Variants in NRP1 observed in about 807,000 individuals in gnomAD.
The protein encoded by NRP1 is neuropilin-1.
Under a neutral mutation model 106.7 loss-of-function variants are expected in NRP1, and 35 were observed. That is an observed-to-expected ratio of 0.33 (90% confidence interval 0.25 to 0.43). The LOEUF is 0.43. Among genes scored for constraint, NRP1 ranks in the 20% least tolerant of loss-of-function variants. The pLI, the probability that NRP1 is intolerant of heterozygous loss-of-function variation, is 1.00. For missense variants in NRP1, 1,024 were observed against 1,170.4 expected, an observed-to-expected ratio of 0.87 and a Z score of 1.83; for synonymous variants, 437 against 417.9, an observed-to-expected ratio of 1.05 and a Z score of -0.56.
At chr10:33,318,884 C>T (rs1847232083) in intron 2 of NRP1, among the ~76,000 whole-genome samples, 1 of 151,524 alleles carries the variant, frequency 6.6e-6, no homozygotes, top group African/African-American at 2.4e-5. Flanking sequence ...ATGTTCCAAA[C>T]ATCTGCGTCA....
intron 11 of NRP1, among the ~76,000 whole-genome samples, chr10:33,198,295 C>T (rs1169978089): frequency 6.6e-6 from 1 of 151,848 alleles, no homozygotes; most frequent in Non-Finnish European, 1.5e-5. Flanking sequence ...GCGTGCACTA[C>T]CATGCCCAGG....
At chr10:33,237,517 A>AC (rs1554788778) in intron 6 of NRP1, among the ~76,000 whole-genome samples, 2 of 150,228 alleles carry the variant, frequency 1.3e-5, no homozygotes, top group South Asian at 2.1e-4. Context: ...ACACACACAC[A>AC]AATCCCACCC....
chr10:33,181,172 C>T (rs16915674), intron 16 of NRP1, among the ~76,000 whole-genome samples: 4,059 of 152,160 alleles, frequency 0.027, 158 homozygotes, highest in African/African-American at 0.09. Context: ...GTACTAGAAA[C>T]GGGATGAAAA....
intron 2 of NRP1, among the ~76,000 whole-genome samples, chr10:33,272,568 T>C (rs989093161): frequency 6.6e-6 from 1 of 152,144 alleles, no homozygotes; most frequent in African/African-American, 2.4e-5. Flanking sequence ...GAAAGCATTA[T>C]GTTTAAAATC....
rs537644227 is a variant in NRP1, at chr10:33,282,140, T to A, written c.249-11284A>T. On this transcript the variant is annotated intron_variant, in intron 2 of 16. Coordinates refer to ENST00000374867, the MANE Select transcript of NRP1 (RefSeq NM_003873.7). ...TATACCATAGTATGTTTTTTTTTTT[T>A]AAATCATGAAATCCGTTAAGTGTTT... Among the ~76,000 whole-genome samples the A allele has an allele frequency of 5.7e-4, 86 of 151,936 alleles. 1 individual carries two copies. Among genetic ancestry groups the A allele is most frequent in the African/African-American group, 1.9e-3 (78 of 41,436 alleles).
rs71521487 is a variant in NRP1 at position 33,198,144 on chromosome 10, A to ATTT, written c.1865-438_1865-436dup. Among the ~76,000 whole-genome samples the ATTT allele has an allele frequency of 1.3e-4, 12 of 94,060 alleles. No individual in the cohort carries two copies. The East Asian group carries it at 2.5e-3, about 20-fold the overall frequency. The allele number at this position is 94,060 out of a possible 152,430, so 61.7% of individuals were successfully genotyped here. A position where few individuals can be genotyped will look rare whatever the true frequency, so the allele number is the denominator to read the frequency against. On this transcript the variant is annotated intron_variant, in intron 11 of 16. Transcript: ENST00000374867. The stretch of plus-strand genomic sequence containing the variant: ...AATTTTCTTTTTTTTAAATTTTTAA[A>ATTT]TTTTTTTTTTTTTTTGAGATGGAGT...
chr10:33,186,644 C>T (rs1282287252), intron 13 of NRP1, among the ~76,000 whole-genome samples, 156 bp from the exon 14 acceptor site: 1 of 152,134 alleles, frequency 6.6e-6, no homozygotes, highest in East Asian at 1.9e-4. Flanking sequence ...TTGGGGACCT[C>T]ATGGGCACCT....
chr10:33,213,192 T>C (rs1201829225), intron 9 of NRP1, 194 bp downstream of exon 9: 2 of 1,446,006 alleles, frequency 1.4e-6, no homozygotes, highest in East Asian at 2.5e-5. Flanking sequence ...TTCTTTTGCA[T>C]GTTATCTCAG....
intron 6 of NRP1, among the ~76,000 whole-genome samples, chr10:33,253,245 T>A (rs1345545451): frequency 6.6e-6 from 1 of 152,042 alleles, no homozygotes; most frequent in South Asian, 2.1e-4. Flanking sequence ...GATATCAAGG[T>A]TGGGCAAGTG....
At chr10:33,208,222 A>C (rs2474713) in intron 9 of NRP1, among the ~76,000 whole-genome samples, 26,685 of 151,872 alleles carry the variant, frequency 0.18, 2,389 homozygotes, top group Middle Eastern at 0.3. Context: ...CACCACGCCG[A>C]GCTAATTTTT....
chr10:33,308,799 TA>T (rs944732279), intron 2 of NRP1, among the ~76,000 whole-genome samples: 1 of 152,064 alleles, frequency 6.6e-6, no homozygotes, highest in Admixed American at 6.6e-5. Flanking sequence ...TCAATTTTTT[TA>T]AAAAATGCAT....
In NRP1 at chr10:33,182,689, C is replaced by T. The variant is rs1226075084; in HGVS notation, c.2482+9G>A. 6.2e-7 allele frequency: 1 copy of T among 1,608,986 alleles called. No individual in the cohort carries two copies. On this transcript the variant is annotated intron_variant, in intron 16 of 16. Coordinates refer to ENST00000374867, the MANE Select transcript of NRP1 (RefSeq NM_003873.7). ...ATTTTTTAAAAATTGGTCAGCAAGA[C>T]AAATTTACCTGTTTCATCAATTTTA...
intron 2 of NRP1, among the ~76,000 whole-genome samples, chr10:33,316,704 GAGA>G (rs1564483182): frequency 6.6e-6 from 1 of 152,084 alleles, no homozygotes; most frequent in East Asian, 1.9e-4. Flanking sequence ...AGATGCAGGA[GAGA>G]AGAAGGCCCC....
At chr10:33,189,804 A>G (rs188219049) in intron 13 of NRP1, among the ~76,000 whole-genome samples, 12 of 152,362 alleles carry the variant, frequency 7.9e-5, no homozygotes, top group Non-Finnish European at 1.6e-4. Flanking sequence ...TTATAAAAAA[A>G]GCACCATCTA....
intron 13 of NRP1, among the ~76,000 whole-genome samples, chr10:33,187,129 T>C (rs1836063640): frequency 6.6e-6 from 1 of 152,072 alleles, no homozygotes; most frequent in Non-Finnish European, 1.5e-5. Context: ...CACCTTGGCC[T>C]CCCAAAATGC....
At chr10:33,227,016 A>G (rs182920098) in intron 6 of NRP1, among the ~76,000 whole-genome samples, 1 of 152,302 alleles carries the variant, frequency 6.6e-6, no homozygotes, top group East Asian at 1.9e-4. Flanking sequence ...CTCAGAATAA[A>G]TCTCTTCAAA....
intron 2 of NRP1, among the ~76,000 whole-genome samples, chr10:33,309,948 GC>G (rs1365100954): frequency 2.4e-5 from 3 of 126,162 alleles, no homozygotes; most frequent in African/African-American, 7.7e-5. Context: ...TGCTGTATTT[GC>G]CTTTTTTTTT....
intron 6 of NRP1, among the ~76,000 whole-genome samples, chr10:33,234,118 A>G (rs959430304): frequency 6.6e-6 from 1 of 152,194 alleles, no homozygotes; most frequent in African/African-American, 2.4e-5. Flanking sequence ...TAAGGCTAAA[A>G]TTACCATTAA....
intron 8 of NRP1, among the ~76,000 whole-genome samples, chr10:33,220,900 C>CAAAAAAA (rs35895871): frequency 6.6e-5 from 4 of 60,652 alleles, no homozygotes; most frequent in Non-Finnish European, 1.1e-4. Flanking sequence ...GGCTCAGTCT[C>CAAAAAAA]AAAAAAAAAA....
Sources: allele counts gnomAD v4.1 joint callset (sites outside exome capture counted in the v4.1 genomes callset), GRCh38; gene constraint gnomAD v4.1.1; transcripts MANE v1.5; gene names NCBI Gene and HGNC (gene_info 2026-07-23, HGNC 2026-07-21).